The following LARGE1 variants were observed in gnomAD, a reference collection of about 807,000 sequenced individuals.
LARGE1 encodes xylosyl- and glucuronyltransferase LARGE1.
LARGE1 carries 43 observed loss-of-function variants against 87.6 expected under a neutral mutation model. The observed-to-expected ratio is 0.49, with a 90% CI of 0.38 to 0.63. The LOEUF (loss-of-function observed/expected upper bound fraction) is 0.63, where lower values mean the gene tolerates loss of function less well. LARGE1 is among the 30% of genes least tolerant of loss of function. LARGE1 has a pLI of 0.00. For missense variants in LARGE1, 802 were observed against 1,000.2 expected, an observed-to-expected ratio of 0.80 and a Z score of 2.67; for synonymous variants, 434 against 394.6, an observed-to-expected ratio of 1.10 and a Z score of -1.18.
rs75979539 is a variant in LARGE1 at position 33,400,139 on chromosome 22, C to T, written c.893-15835G>A. On this transcript the variant is annotated intron_variant, in intron 7 of 14. Transcript: ENST00000397394. ...GGCTTTCACAGGCAGTCCATCAGAA[C>T]GCAGGAGATAACATTTACTGAATGA... Among the ~76,000 whole-genome samples, 1,262 of 152,278 alleles carry T rather than the reference C, an allele frequency of 8.3e-3. 13 individuals carry two copies. The highest frequency in any genetic ancestry group is 0.028 in the African/African-American group (1,171 of 41,558).
intron 4 of LARGE1, among the ~76,000 whole-genome samples, chr22:33,614,777 T>A (rs2079535356): frequency 6.6e-6 from 1 of 152,138 alleles, no homozygotes; most frequent in African/African-American, 2.4e-5. Flanking sequence ...CAAGACTACC[T>A]CCTACCCTCC....
intron 10 of LARGE1, among the ~76,000 whole-genome samples, chr22:33,317,205 C>T (rs1040544973): frequency 6.6e-6 from 1 of 152,036 alleles, no homozygotes; most frequent in Admixed American, 6.6e-5. Context: ...CAGAGTGAGA[C>T]TCCAACTCAA....
intron 3 of LARGE1, among the ~76,000 whole-genome samples, chr22:33,638,790 A>C (rs1347700590): frequency 1.3e-5 from 2 of 152,228 alleles, no homozygotes; most frequent in Admixed American, 1.3e-4. Flanking sequence ...GGTACATTTC[A>C]AGGACTGATT....
chr22:33,761,324 G>T (rs1266121681), intron 2 of LARGE1, 47 bp downstream of exon 2: 3 of 1,399,074 alleles, frequency 2.1e-6, no homozygotes, highest in Admixed American at 1.7e-5. Flanking sequence ...GACAGCTAAT[G>T]TTCCCTTTCT....
At chr22:33,592,941 G>A (rs1269421130) in intron 5 of LARGE1, among the ~76,000 whole-genome samples, 1 of 152,062 alleles carries the variant, frequency 6.6e-6, no homozygotes, top group Non-Finnish European at 1.5e-5. Flanking sequence ...CCAGGTTCAC[G>A]CCATTCTCCT....
chr22:33,437,301 C>T (rs927211486), intron 6 of LARGE1, among the ~76,000 whole-genome samples: 1 of 152,162 alleles, frequency 6.6e-6, no homozygotes, highest in African/African-American at 2.4e-5. Context: ...GCCATACTTC[C>T]TGAGTACAGT....
At chr22:33,740,284 C>T (rs1601486133) in intron 2 of LARGE1, among the ~76,000 whole-genome samples, 1 of 152,158 alleles carries the variant, frequency 6.6e-6, no homozygotes, top group Non-Finnish European at 1.5e-5. Context: ...TTTCTGGATT[C>T]CTGAACACCG....
At chr22:33,397,592 T>G (rs2065792999) in intron 7 of LARGE1, among the ~76,000 whole-genome samples, 1 of 152,246 alleles carries the variant, frequency 6.6e-6, no homozygotes, top group Non-Finnish European at 1.5e-5. Context: ...CATGAATATC[T>G]TACTCTACCC....
chr22:33,647,789 G>A (rs1194976333), intron 3 of LARGE1, among the ~76,000 whole-genome samples: 1 of 151,692 alleles, frequency 6.6e-6, no homozygotes, highest in Non-Finnish European at 1.5e-5. Flanking sequence ...ACGGAGTTTT[G>A]CACTGTCACC....
intron 2 of LARGE1, among the ~76,000 whole-genome samples, chr22:33,714,031 CATAAA>C (rs2082837952): frequency 6.8e-6 from 1 of 147,390 alleles, no homozygotes; most frequent in South Asian, 2.2e-4. Flanking sequence ...CATAACATAA[CATAAA>C]ACAAAATGAG....
intron 6 of LARGE1, among the ~76,000 whole-genome samples, chr22:33,511,411 C>A (rs965168756): frequency 4.6e-5 from 7 of 152,168 alleles, no homozygotes; most frequent in Non-Finnish European, 7.3e-5. Context: ...TGTTGTTACT[C>A]AGAGTGAGGG....
the LARGE1 span, among the ~76,000 whole-genome samples, chr22:33,082,907 C>T: frequency 6.6e-6 from 1 of 152,032 alleles, no homozygotes. Flanking sequence ...CACCTGTAGT[C>T]CCAGCTACTT....
At chr22:33,659,031 T>C (rs1312715108) in intron 2 of LARGE1, among the ~76,000 whole-genome samples, 6 of 152,162 alleles carry the variant, frequency 3.9e-5, no homozygotes, top group Non-Finnish European at 8.8e-5. Flanking sequence ...CCTGGTATTG[T>C]AGCTCCTCCA....
chr22:33,195,900 G>A (rs1199421822), intron 11 of LARGE1, among the ~76,000 whole-genome samples: 7 of 151,212 alleles, frequency 4.6e-5, no homozygotes, highest in Non-Finnish European at 5.9e-5. Flanking sequence ...GACTACAGGC[G>A]CCCGCCACCA....
intron 2 of LARGE1, among the ~76,000 whole-genome samples, chr22:33,672,676 G>C (rs2081452072): frequency 3.3e-5 from 5 of 152,218 alleles, no homozygotes; most frequent in Admixed American, 3.3e-4. Flanking sequence ...CTGGTCCTGT[G>C]TCTCTCAGTC....
At chr22:33,142,346 C>G in the LARGE1 span, among the ~76,000 whole-genome samples, 4 of 152,036 alleles carry the variant, frequency 2.6e-5, no homozygotes, top group Admixed American at 6.5e-5. Flanking sequence ...CTCTCGCATT[C>G]CCCCAAACCC....
chr22:33,207,907 C>T (rs968178863), intron 11 of LARGE1, among the ~76,000 whole-genome samples: 2 of 152,120 alleles, frequency 1.3e-5, no homozygotes, highest in Admixed American at 6.5e-5. Flanking sequence ...TTTTTCTCCC[C>T]TAAAGGCACA....
chr22:33,863,388 GGGGA>G (rs2063989733), intron 1 of LARGE1, among the ~76,000 whole-genome samples: 1 of 152,174 alleles, frequency 6.6e-6, no homozygotes, highest in Non-Finnish European at 1.5e-5. Flanking sequence ...GATGGGGCCA[GGGGA>G]TGGCTGACAA....
At chr22:33,574,551 G>A (rs919793340) in intron 5 of LARGE1, among the ~76,000 whole-genome samples, 1 of 151,734 alleles carries the variant, frequency 6.6e-6, no homozygotes, top group Non-Finnish European at 1.5e-5. Context: ...TAAGAAAGGA[G>A]GGACAACAAT....
Sources: allele counts gnomAD v4.1 joint callset (sites outside exome capture counted in the v4.1 genomes callset), GRCh38; gene constraint gnomAD v4.1.1; transcripts MANE v1.5; gene names NCBI Gene and HGNC (gene_info 2026-07-23, HGNC 2026-07-21).